POLR3A: variants seen among roughly 807,000 people sequenced by gnomAD.
POLR3A encodes the protein DNA-directed RNA polymerase III subunit RPC1.
In POLR3A, 112 loss-of-function variants were observed where a neutral mutation model predicts 152.8. The ratio of observed to expected loss-of-function variants is 0.73; its 90% CI spans 0.63 to 0.86. The LOEUF (loss-of-function observed/expected upper bound fraction) is 0.86. Among genes scored for constraint, POLR3A ranks in the 40% least tolerant of loss-of-function variants. The pLI, the probability that POLR3A is intolerant of heterozygous loss-of-function variation, is 0.00. For missense variants in POLR3A, 1,385 were observed against 1,743.1 expected (o/e 0.79, Z 3.66); for synonymous variants, 615 against 652.1 (o/e 0.94, Z 0.87).
intron 10 of POLR3A, 93 bp downstream of exon 10, chr10:78,017,482 A>C (rs1847536018): frequency 7.8e-7 from 1 of 1,276,650 alleles, no homozygotes; most frequent in Non-Finnish European, 1.1e-6. Flanking sequence ...TTGAGATAAC[A>C]GGCAATTTTA....
At chr10:77,982,040 A>G (rs1847150494) in intron 28 of POLR3A, 114 bp downstream of exon 28, 1 of 198,638 alleles carries the variant, frequency 5.0e-6, no homozygotes, top group Non-Finnish European at 8.9e-6. Context: ...CTCCATCTCA[A>G]AAAAAAAAAA....
rs764200108 is a variant in POLR3A at position 77,985,360 on chromosome 10, A to G, written c.3072-20T>C. ...TGTGCCCTAGAAGGCAAAGGTATGG[A>G]TGAGATTGCAGCATGCCAAAGAAAA... On this transcript the variant is annotated intron_variant, in intron 23 of 30. Coordinates refer to ENST00000372371, the MANE Select transcript of POLR3A (RefSeq NM_007055.4). The G allele has an allele frequency of 1.2e-6, 2 of 1,608,450 alleles. No individual in the cohort carries two copies. The highest frequency in any genetic ancestry group is 1.7e-6 in the Non-Finnish European group (2 of 1,175,064).
At chr10:77,987,145 A>G (rs1007513999) in intron 21 of POLR3A, among the ~76,000 whole-genome samples, 2 of 152,130 alleles carry the variant, frequency 1.3e-5, no homozygotes, top group Non-Finnish European at 2.9e-5. Context: ...CACGGACTAC[A>G]GACTGGCTCT....
chr10:78,019,112 G>A (rs1323831713), intron 9 of POLR3A, 50 bp downstream of exon 9: 3 of 1,253,906 alleles, frequency 2.4e-6, no homozygotes, highest in African/African-American at 1.5e-5. Flanking sequence ...ACCACAGTGA[G>A]CTTTGCCATG....
At chr10:77,996,224 T>G (rs549241399) in intron 19 of POLR3A, among the ~76,000 whole-genome samples, 1,788 of 152,036 alleles carry the variant, frequency 0.012, 36 homozygotes, top group African/African-American at 0.039. Flanking sequence ...GATCTAAAAT[T>G]GACACCCTAA....
chr10:77,995,997 A>G (rs1254708321), intron 19 of POLR3A, among the ~76,000 whole-genome samples: 1 of 152,222 alleles, frequency 6.6e-6, no homozygotes, highest in Non-Finnish European at 1.5e-5. Context: ...AGAACTCAGG[A>G]TTAAGAAACT....
At chr10:78,010,143 A>G in intron 12 of POLR3A, 152 bp from the exon 13 acceptor site, 1 of 1,018,702 alleles carries the variant, frequency 9.8e-7, no homozygotes, top group Non-Finnish European at 1.5e-6. Flanking sequence ...ACTAGGATCT[A>G]CCTCCACAGG....
At chr10:78,005,114 T>A (rs1346751487) in intron 15 of POLR3A, among the ~76,000 whole-genome samples, 2 of 152,228 alleles carry the variant, frequency 1.3e-5, no homozygotes, top group Non-Finnish European at 2.9e-5. Flanking sequence ...AGGACTCAAC[T>A]GACTTCTCTC....
chr10:78,022,496 CAACAG>C, intron 5 of POLR3A, 112 bp from the exon 6 acceptor site: 1 of 1,111,992 alleles, frequency 9.0e-7, no homozygotes, highest in Non-Finnish European at 1.3e-6. Flanking sequence ...GGATAAGTGA[CAACAG>C]AGATTTCTAT....
intron 30 of POLR3A, among the ~76,000 whole-genome samples, chr10:77,978,435 TGCCAGGCAGTCAA>T (rs1331642129): frequency 6.6e-6 from 1 of 152,080 alleles, no homozygotes; most frequent in Admixed American, 6.6e-5. Context: ...GGGGTGGCAG[TGCCAGGCAGTCAA>T]GGAGACTGGT....
At chr10:77,979,597 T>C (rs1001600398) in intron 30 of POLR3A, among the ~76,000 whole-genome samples, 1 of 152,222 alleles carries the variant, frequency 6.6e-6, no homozygotes, top group Non-Finnish European at 1.5e-5. Context: ...AGCAAGGCTC[T>C]GCTGGTGGAC....
intron 11 of POLR3A, among the ~76,000 whole-genome samples, chr10:78,011,001 T>A (rs1483803727): frequency 2.0e-5 from 3 of 152,126 alleles, no homozygotes; most frequent in African/African-American, 7.2e-5. Flanking sequence ...CACATCATCA[T>A]GCCCAGCTAA....
rs71030926 is a variant in POLR3A at position 77,992,438 on chromosome 10, C to CTTTTT, written c.2787+754_2787+758dup. 7.2e-4 allele frequency among the ~76,000 whole-genome samples: 55 copies of CTTTTT among 76,542 alleles called. 1 individual carries two copies. Among genetic ancestry groups the CTTTTT allele is most frequent in the African/African-American group, 1.5e-3 (28 of 19,146 alleles). 50.2% of individuals were successfully genotyped at this position (76,542 alleles called of 152,430 possible). A position where few individuals can be genotyped will look rare whatever the true frequency, so the allele number is the denominator to read the frequency against. On this transcript the variant is annotated intron_variant, in intron 20 of 30. Coordinates refer to ENST00000372371, the MANE Select transcript of POLR3A (RefSeq NM_007055.4). ...AGCATGCCATCATCCCTGGCTAATTCTTTTTTTTTTTTTTTTTTTTTTTGA... is the reference window on the plus strand; with the variant it reads ...AGCATGCCATCATCCCTGGCTAATTCTTTTTTTTTTTTTTTTTTTTTTTTTTTTGA...
Position 78,029,515 on chromosome 10 carries a change from C to A in POLR3A, c.-108G>T. The A allele has an allele frequency of 9.1e-7, 1 of 1,102,588 alleles. No homozygotes were observed. Among genetic ancestry groups the A allele is most frequent in the South Asian group, 1.3e-5 (1 of 78,876 alleles). 68.3% of individuals were successfully genotyped at this position (1,102,588 alleles called of 1,614,324 possible). A position where few individuals can be genotyped will look rare whatever the true frequency, so the allele number is the denominator to read the frequency against. On this transcript the variant is annotated 5_prime_UTR_variant, in exon 1 of 31. Transcript: ENST00000372371. Reference sequence around the variant, plus strand: ...TCTGGACTCGCCGCTAACACATCTGCGGCATCCTCTCGGCCACCGTAGAGT... The same window carrying A: ...TCTGGACTCGCCGCTAACACATCTGAGGCATCCTCTCGGCCACCGTAGAGT...
intron 11 of POLR3A, among the ~76,000 whole-genome samples, chr10:78,012,259 G>C (rs1005097741): frequency 8.5e-5 from 13 of 152,118 alleles, no homozygotes; most frequent in African/African-American, 2.9e-4. Context: ...AGCTACTCAG[G>C]AGGCTGAGGC....
Position 78,022,012 on chromosome 10 carries a change from G to A in POLR3A, c.896C>T (p.Ser299Leu). The A allele has an allele frequency of 6.2e-7, 1 of 1,614,172 alleles. No homozygotes were observed. Among genetic ancestry groups the A allele is most frequent in the Non-Finnish European group, 8.5e-7 (1 of 1,180,022 alleles). Reference sequence around the variant, plus strand: ...CATGATCATCTGGGTCTTGGCTCCTGAGATCCGATGCTAAAACCAGCACAG... The same window carrying A: ...CATGATCATCTGGGTCTTGGCTCCTAAGATCCGATGCTAAAACCAGCACAG... ...LNDVIKKHRI[S>L]GAKTQMIMED... Residue 299 changes from serine (S) to leucine (L), a missense_variant, in exon 7 of 31, where the codon TCA becomes TTA. Around this residue, in one of 7 missense-constraint regions of POLR3A, gnomAD observed 493 missense variants for 647.5 expected, o/e 0.76. Coordinates refer to ENST00000372371, the MANE Select transcript of POLR3A (RefSeq NM_007055.4).
chr10:78,020,766 C>T lies in POLR3A; in HGVS notation c.1185+780G>A, dbSNP rs150231366. On this transcript the variant is annotated intron_variant, in intron 8 of 30. Coordinates refer to ENST00000372371, the MANE Select transcript of POLR3A (RefSeq NM_007055.4). ...TCACGCCACTGCACTCCAGCCTGGG[C>T]GACAGAGCGAGACTCCACCTCAAAA... Among the ~76,000 whole-genome samples, 345 of 152,002 alleles carry T rather than the reference C, an allele frequency of 2.3e-3. 2 individuals are homozygous for T. Among genetic ancestry groups the T allele is most frequent in the Non-Finnish European group, 3.6e-3 (248 of 67,970 alleles).
chr10:78,022,175 TTC>T lies in POLR3A; in HGVS notation c.853_854del (p.Glu285AsnfsTer9), dbSNP rs1847586198. On this transcript the variant is annotated frameshift_variant, in exon 6 of 31. Coordinates refer to ENST00000372371, the MANE Select transcript of POLR3A (RefSeq NM_007055.4). LOFTEE classifies it high-confidence loss of function. ...TAATAACATCGTTTAGGAAAATGAT[TTC>T]TGTCAGTTTCATTGTCAGATCATCT... ...NEDDLTMKLT[E>X]IIFLNDVIKK... 1.9e-6 allele frequency: 3 copies of T among 1,614,158 alleles called. No individual in the cohort carries two copies. The highest frequency in any genetic ancestry group is 1.7e-6 in the Non-Finnish European group (2 of 1,179,974).
chr10:77,993,342 T>C lies in POLR3A; in HGVS notation c.2642A>G (p.Asp881Gly), dbSNP rs764132191. ...TGTCAGATCATACTGGGAGCAAAGA[T>C]CTTCAAGAGATTTGACAAGCCTTCG... ...MQRRLVKSLEDLCSQYDLTVR... is the reference protein window; with the variant it reads ...MQRRLVKSLEGLCSQYDLTVR... The change falls in exon 20 of 31, where the codon GAT becomes GGT. Residue 881 changes from aspartate (D) to glycine (G), a missense_variant. Physicochemically the swap from Asp to Gly is moderately conservative, Grantham distance 94 (BLOSUM62 -1). This residue lies in a region of POLR3A where 178 missense variants were observed against 204.6 expected (regional missense o/e 0.87). Transcript: ENST00000372371. 2 of 1,613,798 alleles carry C rather than the reference T, an allele frequency of 1.2e-6. No homozygotes were observed. The highest frequency in any genetic ancestry group is 3.3e-5 in the Admixed American group (2 of 59,998).
Sources: gnomAD v4.1 joint callset for allele counts (sites outside exome capture counted in the v4.1 genomes callset) on GRCh38, gnomAD v4.1.1 for gene constraint, gnomAD v4.1.1 regional missense constraint, MANE v1.5 for transcripts, NCBI Gene and HGNC (gene_info 2026-07-23, HGNC 2026-07-21) for gene names.